The following TRHDE variants were observed in gnomAD, a reference collection of about 807,000 sequenced individuals.
TRHDE encodes the protein thyrotropin-releasing hormone-degrading ectoenzyme.
Under a neutral mutation model 125.7 loss-of-function variants are expected in TRHDE, and 72 were observed. The observed-to-expected ratio is 0.57, with a 90% CI of 0.47 to 0.70. The LOEUF (loss-of-function observed/expected upper bound fraction) is 0.70, where lower values mean the gene tolerates loss of function less well. Ranked by LOEUF, TRHDE falls within the 30% of genes least tolerant of loss-of-function variation. The pLI, the probability that TRHDE is intolerant of heterozygous loss-of-function variation, is 0.00. For synonymous variants in TRHDE, 509 were observed against 509.1 expected, an observed-to-expected ratio of 1.00 and a Z score of 0.00; for missense variants, 1,110 against 1,327.1, an observed-to-expected ratio of 0.84 and a Z score of 2.54.
At chr12:72,652,219 T>G in intron 15 of TRHDE, 103 bp from the exon 16 acceptor site, 1 of 727,478 alleles carries the variant, frequency 1.4e-6, no homozygotes, top group Non-Finnish European at 2.0e-6. Context: ...AGCAAAATAA[T>G]CTTTTAAAAA....
intron 7 of TRHDE, among the ~76,000 whole-genome samples, chr12:72,554,357 G>A (rs892534804): frequency 2.9e-4 from 44 of 152,026 alleles, no homozygotes; most frequent in African/African-American, 1.0e-3. Context: ...TATCAGGTAA[G>A]CACTACATTA....
intron 2 of TRHDE, among the ~76,000 whole-genome samples, chr12:72,324,320 C>T (rs1209708401): frequency 6.6e-6 from 1 of 152,008 alleles, no homozygotes. Context: ...ACCTTGGTCT[C>T]CCTGATACCA....
intron 12 of TRHDE, among the ~76,000 whole-genome samples, chr12:72,618,407 A>G (rs896111276): frequency 2.0e-4 from 31 of 152,182 alleles, no homozygotes; most frequent in African/African-American, 7.5e-4. Flanking sequence ...ACATGCTAAT[A>G]TTGTAATCTA....
At chr12:72,356,898 A>T (rs746252965) in intron 2 of TRHDE, among the ~76,000 whole-genome samples, 2 of 151,654 alleles carry the variant, frequency 1.3e-5, no homozygotes, top group East Asian at 3.9e-4. Context: ...TGTTAGGTTG[A>T]TAATGACATT....
At chr12:72,636,148 T>A (rs1873738654) in intron 15 of TRHDE, among the ~76,000 whole-genome samples, 1 of 152,196 alleles carries the variant, frequency 6.6e-6, no homozygotes, top group Admixed American at 6.5e-5. Flanking sequence ...TGGAATGTTC[T>A]TCCATGTGTT....
intron 2 of TRHDE, among the ~76,000 whole-genome samples, chr12:72,184,968 G>A (rs1308587163): frequency 6.6e-6 from 1 of 152,168 alleles, no homozygotes; most frequent in Non-Finnish European, 1.5e-5. Flanking sequence ...CCCCCCCACT[G>A]CACTGTGGGA....
intron 2 of TRHDE, among the ~76,000 whole-genome samples, chr12:72,374,305 G>A (rs1179859176): frequency 6.7e-6 from 1 of 148,646 alleles, no homozygotes; most frequent in African/African-American, 2.5e-5. Context: ...GTGTGTGTGT[G>A]TGTGTGTGTG....
intron 2 of TRHDE, among the ~76,000 whole-genome samples, chr12:72,288,325 A>G (rs1879967160): frequency 6.6e-6 from 1 of 152,172 alleles, no homozygotes; most frequent in South Asian, 2.1e-4. Context: ...AATTTAAGTC[A>G]TTGTGGGACC....
At chr12:72,437,141 G>C (rs1394766496) in intron 3 of TRHDE, among the ~76,000 whole-genome samples, 1 of 151,758 alleles carries the variant, frequency 6.6e-6, no homozygotes, top group African/African-American at 2.4e-5. Flanking sequence ...TAATTTCTCT[G>C]TTTCCCTATG....
At chr12:72,110,107 A>G (rs1186133963) in intron 2 of TRHDE, among the ~76,000 whole-genome samples, 1 of 152,106 alleles carries the variant, frequency 6.6e-6, no homozygotes, top group African/African-American at 2.4e-5. Flanking sequence ...ATGGGACACT[A>G]TCACTGGGAA....
rs577306828 is a variant in TRHDE, at chr12:72,117,657, C to T, written n.279+11905C>T. On this transcript the variant is annotated intron_variant and non_coding_transcript_variant, in intron 2 of 4. Coordinates refer to the TRHDE transcript ENST00000548156. ...ATAGGGATTGCATTGACTCTGTAGA[C>T]TGCTTTAGATAATATGGACATTTTA... Among the ~76,000 whole-genome samples the T allele has an allele frequency of 1.2e-3, 184 of 152,112 alleles. 1 individual carries two copies. Among genetic ancestry groups the T allele is most frequent in the African/African-American group, 4.0e-3 (166 of 41,564 alleles).
In TRHDE at chr12:72,598,058, T is replaced by C. The variant is rs1698589592; in HGVS notation, c.2322-20833T>C. 4.6e-5 allele frequency among the ~76,000 whole-genome samples: 7 copies of C among 151,938 alleles called. 1 individual carries two copies. The South Asian group carries it at 1.2e-3, about 27-fold the overall frequency. The stretch of plus-strand genomic sequence containing the variant: ...TTTAACCAACTCTTGCCTGAACAAA[T>C]TGATTATGTAACATACCTAAAAAGT... On this transcript the variant is annotated intron_variant, in intron 12 of 18. Transcript: ENST00000261180.
At chr12:72,098,904 G>A (rs943157540) in intron 1 of TRHDE, among the ~76,000 whole-genome samples, 2 of 152,178 alleles carry the variant, frequency 1.3e-5, no homozygotes, top group Admixed American at 1.3e-4. Context: ...CGTGGCTCAC[G>A]TCTGTAATTC....
chr12:72,088,124 T>C (rs1874711037), intron 1 of TRHDE, among the ~76,000 whole-genome samples: 1 of 152,168 alleles, frequency 6.6e-6, no homozygotes, highest in Non-Finnish European at 1.5e-5. Flanking sequence ...TACTAGCATC[T>C]TGGGTGCTTA....
chr12:72,218,893 A>C (rs1205843488), intron 2 of TRHDE, among the ~76,000 whole-genome samples: 2 of 152,154 alleles, frequency 1.3e-5, no homozygotes, highest in African/African-American at 4.8e-5. Context: ...TAAGTTACTG[A>C]GGGTTAGGAC....
chr12:72,600,518 GA>G (rs529453344), intron 12 of TRHDE, among the ~76,000 whole-genome samples: 125 of 152,112 alleles, frequency 8.2e-4, no homozygotes, highest in Non-Finnish European at 1.3e-3. Flanking sequence ...TATTGTAAAT[GA>G]GGTTGCATTC....
chr12:72,646,587 G>A (rs1874289600), intron 15 of TRHDE, among the ~76,000 whole-genome samples: 1 of 152,040 alleles, frequency 6.6e-6, no homozygotes, highest in Non-Finnish European at 1.5e-5. Flanking sequence ...GTTGGTAAGA[G>A]TCTCACTTTA....
intron 2 of TRHDE, among the ~76,000 whole-genome samples, chr12:72,131,825 G>A (rs1275010759): frequency 6.6e-6 from 1 of 152,248 alleles, no homozygotes; most frequent in African/African-American, 2.4e-5. Context: ...GCTCTTAACT[G>A]GCATTGTTAT....
intron 6 of TRHDE, among the ~76,000 whole-genome samples, chr12:72,530,085 C>A (rs1868465516): frequency 6.6e-6 from 1 of 152,106 alleles, no homozygotes; most frequent in Non-Finnish European, 1.5e-5. Flanking sequence ...TTGAAACATC[C>A]ATTTTTCCTT....
Sources: gnomAD v4.1 joint callset for allele counts (sites outside exome capture counted in the v4.1 genomes callset) on GRCh38, gnomAD v4.1.1 for gene constraint, MANE v1.5 for transcripts, NCBI Gene and HGNC (gene_info 2026-07-23, HGNC 2026-07-21) for gene names.